The following LGI1 variants were observed in gnomAD, a reference collection of about 807,000 sequenced individuals.
The protein encoded by LGI1 is leucine rich glioma inactivated 1.
A neutral mutation model predicts 57.7 loss-of-function variants in LGI1; 11 were observed. The ratio of observed to expected loss-of-function variants is 0.19; its 90% CI spans 0.12 to 0.32. The LOEUF is 0.32. Among genes scored for constraint, LGI1 ranks in the 10% least tolerant of loss-of-function variants. The pLI is 1.00. For synonymous variants in LGI1, 222 were observed against 241.9 expected, an observed-to-expected ratio of 0.92 and a Z score of 0.76; for missense variants, 422 against 661.9, an observed-to-expected ratio of 0.64 and a Z score of 3.98.
In LGI1 at chr10:93,758,813, C is replaced by A; in HGVS notation, c.269C>A (p.Thr90Lys). Residue 90 changes from threonine (T) to lysine (K), a missense_variant, in exon 2 of 8, where the codon ACG becomes AAG. By Grantham distance (78) the Thr-to-Lys change is moderately conservative. Around this residue, in one of 3 missense-constraint regions of LGI1, gnomAD observed 63 missense variants for 138.4 expected, o/e 0.46. Transcript: ENST00000371418. This position sits in a 1 kb window ranked among gnomAD's most constrained non-coding sequence, Gnocchi z 4.7. ...ATCTCAGAAGGGAGTTTTTTATTCA[C>A]GCCATCGCTGCAGCTCTTGTGAGAA... ...TEISEGSFLF[T>K]PSLQLLLFTS... 6.2e-7 allele frequency: 1 copy of A among 1,611,654 alleles called. No individual in the cohort carries two copies. Among genetic ancestry groups the A allele is most frequent in the Non-Finnish European group, 8.5e-7 (1 of 1,178,068 alleles).
At chr10:93,774,931 TA>T (rs1227863309) in intron 2 of LGI1, among the ~76,000 whole-genome samples, 1 of 152,214 alleles carries the variant, frequency 6.6e-6, no homozygotes, top group Non-Finnish European at 1.5e-5. Flanking sequence ...ATAAAATGGA[TA>T]GCCCACTCAA....
intron 4 of LGI1, among the ~76,000 whole-genome samples, chr10:93,779,934 T>C (rs941233917): frequency 6.6e-6 from 1 of 152,204 alleles, no homozygotes; most frequent in African/African-American, 2.4e-5. Context: ...CTAACACTTA[T>C]TAGGTTGACT....
intron 2 of LGI1, chr10:93,775,955 T>C (rs1470276815): frequency 6.6e-6 from 1 of 152,194 alleles, no homozygotes; most frequent in African/African-American, 2.4e-5. Flanking sequence ...GGTGTTAGCT[T>C]ACCTTGGAGT....
At chr10:93,791,601 C>T (rs904060061) in intron 5 of LGI1, 1 of 152,112 alleles carries the variant, frequency 6.6e-6, no homozygotes, top group African/African-American at 2.4e-5. Context: ...CTCTAAAAAA[C>T]ATTTTTAAAT....
chr10:93,758,334 A>G lies in LGI1; in HGVS notation c.190A>G (p.Thr64Ala). ...TGAGAATGCCAGATCCATTCCACGC[A>G]CCGTTCCTCCTGATGTTATCTCATT... ...LCENARSIPRTVPPDVISLSF... is the reference protein window; with the variant it reads ...LCENARSIPRAVPPDVISLSF... Residue 64 changes from threonine to alanine, a missense_variant, in exon 1 of 8, where the codon ACC becomes GCC. By Grantham distance (58) the Thr-to-Ala change is moderately conservative. Coordinates refer to ENST00000371418, the MANE Select transcript of LGI1 (RefSeq NM_005097.4). This position sits in a 1 kb window ranked among gnomAD's most constrained non-coding sequence, Gnocchi z 4.7. 1 of 1,614,150 alleles carries G rather than the reference A, an allele frequency of 6.2e-7. No homozygotes were observed. The highest frequency in any genetic ancestry group is 1.1e-5 in the South Asian group (1 of 91,086).
chr10:93,790,065 A>G, intron 4 of LGI1, 34 bp from the exon 5 acceptor site: 1 of 1,539,222 alleles, frequency 6.5e-7, no homozygotes, highest in Non-Finnish European at 8.8e-7. Flanking sequence ...ATTTATCACT[A>G]CAGTTTACAT....
chr10:93,772,326 T>TA (rs2059749372), intron 2 of LGI1, among the ~76,000 whole-genome samples: 1 of 152,108 alleles, frequency 6.6e-6, no homozygotes, highest in South Asian at 2.1e-4. Flanking sequence ...ACTAGAGATT[T>TA]AAAAACCTTC....
chr10:93,763,481 A>G (rs750026346), intron 2 of LGI1: 3 of 152,234 alleles, frequency 2.0e-5, no homozygotes, highest in African/African-American at 4.8e-5. Context: ...TCCCAGAGAA[A>G]AACCCAGACA....
chr10:93,771,308 T>C (rs1216605549), intron 2 of LGI1: 1 of 152,226 alleles, frequency 6.6e-6, no homozygotes, highest in South Asian at 2.1e-4. Flanking sequence ...GGGGAAGATG[T>C]AGGCAATATT....
At chr10:93,767,286 C>G (rs1337266514) in intron 2 of LGI1, 2 of 152,160 alleles carry the variant, frequency 1.3e-5, no homozygotes, top group African/African-American at 4.8e-5. Flanking sequence ...GCCTTATTTA[C>G]TTTAAAGTTA....
Position 93,758,424 on chromosome 10 carries a change from G to C in LGI1, c.215+65G>C. ...AAAAATTCCAGCCGGTGGATTTGGGGCTTTGCATGTATTTGTAGAAGGGCA... is the reference window on the plus strand; with the variant it reads ...AAAAATTCCAGCCGGTGGATTTGGGCCTTTGCATGTATTTGTAGAAGGGCA... On this transcript the variant is annotated intron_variant, in intron 1 of 7. Coordinates refer to ENST00000371418, the MANE Select transcript of LGI1 (RefSeq NM_005097.4). The surrounding 1 kb of genome is among the most constrained non-coding windows in gnomAD (Gnocchi z 4.7). 1 of 1,468,604 alleles carries C rather than the reference G, an allele frequency of 6.8e-7. No individual in the cohort carries two copies. Among genetic ancestry groups the C allele is most frequent in the Non-Finnish European group, 9.5e-7 (1 of 1,051,494 alleles). The allele number at this position is 1,468,604 out of a possible 1,614,324, so 91.0% of individuals were successfully genotyped here. A position where few individuals can be genotyped will look rare whatever the true frequency, so the allele number is the denominator to read the frequency against.
intron 4 of LGI1, among the ~76,000 whole-genome samples, chr10:93,778,006 C>T (rs1023177089): frequency 1.3e-5 from 2 of 152,074 alleles, no homozygotes; most frequent in African/African-American, 2.4e-5. Flanking sequence ...TAGCCACAGG[C>T]GATGTCTTCA....
chr10:93,774,891 G>A (rs993277656), intron 2 of LGI1, among the ~76,000 whole-genome samples: 7 of 152,148 alleles, frequency 4.6e-5, no homozygotes, highest in African/African-American at 1.7e-4. Flanking sequence ...AGAATATGAT[G>A]TAGGAGTCTT....
At chr10:93,792,997 T>C in intron 6 of LGI1, 85 bp downstream of exon 6, 1 of 1,419,326 alleles carries the variant, frequency 7.0e-7, no homozygotes, top group Non-Finnish European at 9.8e-7. Context: ...ATATTTTTTA[T>C]ATCTTAAAAA....
rs758287710 is a variant in LGI1, at chr10:93,797,429, G to A, written c.1300G>A (p.Ala434Thr). ...TDIPNMEDVY[A>T]VKHFSVKGDV... Reference sequence around the variant, plus strand: ...CATTCCTAACATGGAGGATGTGTACGCAGTGAAGCACTTCTCAGTGAAAGG... The same window carrying A: ...CATTCCTAACATGGAGGATGTGTACACAGTGAAGCACTTCTCAGTGAAAGG... The change falls in exon 8 of 8, where the codon GCA (alanine) becomes ACA (threonine). Residue 434 changes from alanine to threonine, a missense_variant. Around this residue, in one of 3 missense-constraint regions of LGI1, gnomAD observed 301 missense variants for 461.7 expected, o/e 0.65. Transcript: ENST00000371418. The surrounding 1 kb of genome is among the most constrained non-coding windows in gnomAD (Gnocchi z 6.5). 8.7e-6 allele frequency: 14 copies of A among 1,614,140 alleles called. No individual in the cohort carries two copies. Among genetic ancestry groups the A allele is most frequent in the Admixed American group, 1.7e-5 (1 of 60,024 alleles).
intron 5 of LGI1, 197 bp from the exon 6 acceptor site, chr10:93,792,546 G>C: frequency 1.6e-6 from 1 of 643,896 alleles, no homozygotes. Flanking sequence ...TCCATTGACT[G>C]GGTAGTCTTC....
intron 2 of LGI1, among the ~76,000 whole-genome samples, chr10:93,774,798 T>G (rs115857864): frequency 2.0e-5 from 3 of 152,180 alleles, no homozygotes. Context: ...ACATATCTGG[T>G]TCAATAACAA....
chr10:93,771,464 T>A (rs925961129), intron 2 of LGI1: 2 of 152,024 alleles, frequency 1.3e-5, no homozygotes, highest in African/African-American at 2.4e-5. Flanking sequence ...GGGGGCTAAA[T>A]AATATGTACT....
chr10:93,759,831 G>C (rs1204389132), intron 2 of LGI1, among the ~76,000 whole-genome samples: 1 of 152,184 alleles, frequency 6.6e-6, no homozygotes, highest in Non-Finnish European at 1.5e-5. Flanking sequence ...TGGAGTGGAC[G>C]TTGGAGAGAC....
Sources: allele counts gnomAD v4.1 joint callset (sites outside exome capture counted in the v4.1 genomes callset), GRCh38; gene constraint gnomAD v4.1.1; regional missense constraint gnomAD v4.1.1; non-coding constraint Gnocchi (gnomAD v3.1); transcripts MANE v1.5; gene names NCBI Gene and HGNC (gene_info 2026-07-23, HGNC 2026-07-21).